The following DDHD1 variants were observed in gnomAD, a reference collection of about 807,000 sequenced individuals.
DDHD1 encodes phospholipase DDHD1.
Under a neutral mutation model 96.4 loss-of-function variants are expected in DDHD1, and 49 were observed. That is an observed-to-expected ratio of 0.51 (90% confidence interval 0.40 to 0.64). DDHD1 has a LOEUF of 0.64. DDHD1 is among the 30% of genes least tolerant of loss of function. The probability of loss-of-function intolerance (pLI) is 0.00; values close to 1 mark genes in which losing one functional copy is unlikely to be tolerated. For synonymous variants in DDHD1, 442 were observed against 446.5 expected (o/e 0.99, Z 0.13); for missense variants, 1,106 against 1,161.2 (o/e 0.95, Z 0.69).
At chr14:53,110,150 G>A (rs1223051733) in intron 1 of DDHD1, among the ~76,000 whole-genome samples, 1 of 152,196 alleles carries the variant, frequency 6.6e-6, no homozygotes, top group African/African-American at 2.4e-5. Flanking sequence ...CTTACAACTG[G>A]ACACTAAATG....
At chr14:53,138,105 A>T (rs1366660471) in intron 1 of DDHD1, among the ~76,000 whole-genome samples, 2 of 152,222 alleles carry the variant, frequency 1.3e-5, no homozygotes, top group Non-Finnish European at 1.5e-5. Context: ...TTGTTTTTTT[A>T]AAAATTGACT....
chr14:53,090,408 T>A (rs1886333921), intron 4 of DDHD1, among the ~76,000 whole-genome samples: 1 of 152,156 alleles, frequency 6.6e-6, no homozygotes, highest in Non-Finnish European at 1.5e-5. Context: ...CATGCTACTA[T>A]GAAGACATAT....
chr14:53,072,331 T>C (rs545375748), intron 6 of DDHD1, among the ~76,000 whole-genome samples: 1 of 152,138 alleles, frequency 6.6e-6, no homozygotes, highest in East Asian at 1.9e-4. Context: ...ACAACAATCA[T>C]AGATATAATT....
At chr14:53,109,606 T>C (rs976831218) in intron 1 of DDHD1, among the ~76,000 whole-genome samples, 4 of 152,170 alleles carry the variant, frequency 2.6e-5, no homozygotes, top group Non-Finnish European at 1.5e-5. Context: ...CATGTGTGTG[T>C]GGAGTCCTTT....
chr14:53,145,111 C>A (rs1422682742), intron 1 of DDHD1, among the ~76,000 whole-genome samples: 1 of 152,104 alleles, frequency 6.6e-6, no homozygotes, highest in Non-Finnish European at 1.5e-5. Flanking sequence ...GATGGCGCCA[C>A]TGCACTCTAG....
chr14:53,080,535 C>G (rs1460800004), intron 4 of DDHD1, among the ~76,000 whole-genome samples: 1 of 151,864 alleles, frequency 6.6e-6, no homozygotes, highest in Non-Finnish European at 1.5e-5. Context: ...TCTTTCAGTT[C>G]AACTTAATTT....
intron 9 of DDHD1, among the ~76,000 whole-genome samples, chr14:53,057,984 G>C (rs1883207411): frequency 6.6e-6 from 1 of 152,022 alleles, no homozygotes; most frequent in African/African-American, 2.4e-5. Context: ...CGAGTAGCTG[G>C]GATTACAGCC....
At chr14:53,049,753 G>T (rs530577741) in intron 12 of DDHD1, among the ~76,000 whole-genome samples, 76 of 149,414 alleles carry the variant, frequency 5.1e-4, no homozygotes, top group Non-Finnish European at 1.0e-3. Context: ...TAAAAAAGAA[G>T]AATCAGGTTT....
At chr14:53,151,235 T>C (rs1053574332) in intron 1 of DDHD1, among the ~76,000 whole-genome samples, 1 of 152,154 alleles carries the variant, frequency 6.6e-6, no homozygotes, top group African/African-American at 2.4e-5. Context: ...GGGCAGAGTG[T>C]TGTATGGAGG....
chr14:53,082,273 C>T (rs1037191496), intron 4 of DDHD1, among the ~76,000 whole-genome samples: 1 of 151,984 alleles, frequency 6.6e-6, no homozygotes, highest in African/African-American at 2.4e-5. Context: ...AATTACTGTA[C>T]AACTGAGGAT....
intron 4 of DDHD1, among the ~76,000 whole-genome samples, chr14:53,080,978 C>T (rs1157244507): frequency 6.6e-6 from 1 of 152,072 alleles, no homozygotes; most frequent in Non-Finnish European, 1.5e-5. Context: ...TTTCTATATG[C>T]AAATCTAGTT....
chr14:53,151,253 G>A (rs1249093984), intron 1 of DDHD1, among the ~76,000 whole-genome samples: 1 of 152,180 alleles, frequency 6.6e-6, no homozygotes, highest in East Asian at 1.9e-4. Flanking sequence ...AGGATCTAAA[G>A]GTTGTCACAA....
chr14:53,121,483 T>C (rs1364082484), intron 1 of DDHD1, among the ~76,000 whole-genome samples: 2 of 152,194 alleles, frequency 1.3e-5, no homozygotes, highest in African/African-American at 4.8e-5. Flanking sequence ...CATGCACACA[T>C]ATGTTCACTG....
intron 1 of DDHD1, among the ~76,000 whole-genome samples, chr14:53,129,882 A>T (rs1889734259): frequency 6.6e-6 from 1 of 152,228 alleles, no homozygotes; most frequent in Admixed American, 6.5e-5. Flanking sequence ...CAAGATCTAG[A>T]TAATTACTGT....
At position 53,043,243 on chromosome 14, in the gene DDHD1, T is replaced by C. The variant is rs1242531974; in HGVS notation, c.*3525A>G. 6.6e-6 allele frequency: 1 copy of C among 152,206 alleles called. No individual in the cohort carries two copies. The highest frequency in any genetic ancestry group is 1.5e-5 in the Non-Finnish European group (1 of 68,036). The allele number at this position is 152,206 out of a possible 1,614,324, so 9.4% of individuals were successfully genotyped here. On this transcript the variant is annotated 3_prime_UTR_variant, in exon 13 of 13. Coordinates refer to ENST00000673822, the MANE Select transcript of DDHD1 (RefSeq NM_001160148.2). The stretch of plus-strand genomic sequence containing the variant: ...AAGAGACTAAGGATGAATGTTTACA[T>C]GTCTGAGGCCTTTAGCGTGAGTATT...
chr14:53,055,944 CAG>C, intron 9 of DDHD1, 32 bp from the exon 10 acceptor site: 1 of 1,576,958 alleles, frequency 6.3e-7, no homozygotes, highest in South Asian at 1.2e-5. Flanking sequence ...CAAAGAAACA[CAG>C]TGTTAAATCA....
chr14:53,149,322 T>A, intron 1 of DDHD1, among the ~76,000 whole-genome samples: 1 of 152,210 alleles, frequency 6.6e-6, no homozygotes, highest in East Asian at 1.9e-4. Flanking sequence ...CCATTCTACA[T>A]AGGAACTTAC....
intron 7 of DDHD1, among the ~76,000 whole-genome samples, chr14:53,061,694 T>G (rs1883571066): frequency 6.6e-6 from 1 of 152,204 alleles, no homozygotes; most frequent in Non-Finnish European, 1.5e-5. Context: ...CTACTTACAT[T>G]TAGTAAACTA....
chr14:53,077,056 T>C (rs1885021875), intron 4 of DDHD1, among the ~76,000 whole-genome samples: 1 of 152,168 alleles, frequency 6.6e-6, no homozygotes, highest in South Asian at 2.1e-4. Flanking sequence ...TTTGTGTATG[T>C]GTCCTATAGA....
Sources: allele counts gnomAD v4.1 joint callset (sites outside exome capture counted in the v4.1 genomes callset), GRCh38; gene constraint gnomAD v4.1.1; transcripts MANE v1.5; gene names NCBI Gene and HGNC (gene_info 2026-07-23, HGNC 2026-07-21).